The following ENAH variants were observed in gnomAD, a reference collection of about 807,000 sequenced individuals.
ENAH encodes the protein ENAH actin regulator.
ENAH carries 23 observed loss-of-function variants against 78.7 expected under a neutral mutation model. The observed-to-expected ratio is 0.29, with a 90% CI of 0.21 to 0.41. The LOEUF (loss-of-function observed/expected upper bound fraction) is 0.41. Among genes scored for constraint, ENAH ranks in the 10% least tolerant of loss-of-function variants. The probability of loss-of-function intolerance (pLI) is 1.00; values close to 1 mark genes in which losing one functional copy is unlikely to be tolerated. For missense variants in ENAH, 544 were observed against 691.0 expected (o/e 0.79, Z 2.39); for synonymous variants, 226 against 241.0 (o/e 0.94, Z 0.58).
chr1:225,554,819 C>T (rs2096658668), intron 3 of ENAH, 87 bp downstream of exon 3: 2 of 1,169,556 alleles, frequency 1.7e-6, no homozygotes, highest in African/African-American at 1.5e-5. Flanking sequence ...ACACATGGCA[C>T]TTCAGTTCAA....
intron 3 of ENAH, among the ~76,000 whole-genome samples, chr1:225,539,490 AATTAC>A (rs1160689906): frequency 3.9e-5 from 6 of 152,220 alleles, no homozygotes; most frequent in Non-Finnish European, 8.8e-5. Flanking sequence ...CAACCTAGAC[AATTAC>A]ATTAGCATCA....
At chr1:225,615,642 C>T (rs1057489534) in intron 1 of ENAH, among the ~76,000 whole-genome samples, 68 of 149,852 alleles carry the variant, frequency 4.5e-4, no homozygotes, top group African/African-American at 1.6e-3. Flanking sequence ...GTGGGGAGCG[C>T]CTCTGCCCCG....
At chr1:225,533,108 T>C (rs568071172) in intron 3 of ENAH, among the ~76,000 whole-genome samples, 14 of 152,302 alleles carry the variant, frequency 9.2e-5, no homozygotes, top group Middle Eastern at 3.4e-3. Flanking sequence ...TTGCAGTAAC[T>C]AGCACATTGA....
chr1:225,526,338 CTT>C (rs34197889), intron 4 of ENAH, among the ~76,000 whole-genome samples: 7 of 143,796 alleles, frequency 4.9e-5, no homozygotes, highest in African/African-American at 1.3e-4. Context: ...CTCTCTCTCT[CTT>C]TTTTTTTTTT....
rs1257196724 is a variant in ENAH at position 225,513,125 on chromosome 1, C to T, written c.1219-109G>A. 8.1e-6 allele frequency: 8 copies of T among 988,880 alleles called. No individual in the cohort carries two copies. The East Asian group carries it at 2.3e-4, about 29-fold the overall frequency. The allele number at this position is 988,880 out of a possible 1,614,324, so 61.3% of individuals were successfully genotyped here. A position where few individuals can be genotyped will look rare whatever the true frequency, so the allele number is the denominator to read the frequency against. ...AACATCAGCATTAATTTTAAAAAACCTAAATATTATTTTTTAAGCTTTAAG... is the reference window on the plus strand; with the variant it reads ...AACATCAGCATTAATTTTAAAAAACTTAAATATTATTTTTTAAGCTTTAAG... On this transcript the variant is annotated intron_variant, in intron 7 of 13. Transcript: ENST00000366843.
chr1:225,501,615 T>C (rs2096282787), intron 11 of ENAH, among the ~76,000 whole-genome samples: 1 of 152,348 alleles, frequency 6.6e-6, no homozygotes, highest in South Asian at 2.1e-4. Context: ...TATTATTCCA[T>C]TTCAAGCATC....
intron 1 of ENAH, among the ~76,000 whole-genome samples, chr1:225,615,863 C>T (rs1445670194): frequency 2.7e-5 from 4 of 148,778 alleles, no homozygotes; most frequent in African/African-American, 5.2e-5. Flanking sequence ...GCCATGATGA[C>T]GATGGCGGTT....
rs2096231333 is a variant in ENAH at position 225,493,177 on chromosome 1, T to G, written c.*4598A>C. ...TGATGTCTCAAAAATTATCGAGAGA[T>G]AACATAAAGGGGAACACACCAAATA... On this transcript the variant is annotated 3_prime_UTR_variant, in exon 14 of 14. Coordinates refer to ENST00000366843, the MANE Select transcript of ENAH (RefSeq NM_018212.6). 1 of 152,172 alleles carries G rather than the reference T, an allele frequency of 6.6e-6. No individual in the cohort carries two copies. The highest frequency in any genetic ancestry group is 2.1e-4 in the South Asian group (1 of 4,836). The allele number at this position is 152,172 out of a possible 1,614,324, so 9.4% of individuals were successfully genotyped here.
At chr1:225,631,411 A>T (rs1354990773) in intron 1 of ENAH, among the ~76,000 whole-genome samples, 5 of 145,910 alleles carry the variant, frequency 3.4e-5, no homozygotes, top group Non-Finnish European at 3.0e-5. Flanking sequence ...CTCTACTATA[A>T]AAAAAAAAAA....
At chr1:225,535,486 T>C (rs2096557398) in intron 3 of ENAH, 2 of 1,296,806 alleles carry the variant, frequency 1.5e-6, no homozygotes, top group Middle Eastern at 2.1e-4. Context: ...GAAAAAGTAA[T>C]GTAAACATAA....
intron 4 of ENAH, among the ~76,000 whole-genome samples, chr1:225,527,659 G>A (rs2096515761): frequency 1.3e-5 from 2 of 152,158 alleles, no homozygotes; most frequent in African/African-American, 2.4e-5. Flanking sequence ...CTTACAAGGT[G>A]GACACAACCT....
intron 2 of ENAH, among the ~76,000 whole-genome samples, chr1:225,556,847 T>C (rs2096669488): frequency 6.6e-6 from 1 of 152,212 alleles, no homozygotes; most frequent in Non-Finnish European, 1.5e-5. Context: ...CAACTGGAAT[T>C]GATCTGTGCC....
At chr1:225,591,551 G>A (rs2096876121) in intron 1 of ENAH, among the ~76,000 whole-genome samples, 1 of 150,918 alleles carries the variant, frequency 6.6e-6, no homozygotes, top group Non-Finnish European at 1.5e-5. Context: ...CGGATCACGA[G>A]GTCAGGAGAT....
chr1:225,586,308 GAAGGAA>G (rs1483620537), intron 1 of ENAH, among the ~76,000 whole-genome samples: 1 of 148,936 alleles, frequency 6.7e-6, no homozygotes, highest in East Asian at 2.0e-4. Context: ...AGAGGAGGGG[GAAGGAA>G]AAGGGAAAAG....
chr1:225,596,244 G>C (rs186756812), intron 1 of ENAH, among the ~76,000 whole-genome samples: 1 of 152,084 alleles, frequency 6.6e-6, no homozygotes, highest in Non-Finnish European at 1.5e-5. Context: ...TTGAAAAACC[G>C]AATTTTCAGA....
intron 3 of ENAH, among the ~76,000 whole-genome samples, chr1:225,548,747 G>A (rs1377239012): frequency 6.6e-6 from 1 of 152,122 alleles, no homozygotes; most frequent in Non-Finnish European, 1.5e-5. Flanking sequence ...GACTGTGAGA[G>A]GTAAGTATGA....
intron 11 of ENAH, among the ~76,000 whole-genome samples, chr1:225,502,660 T>C (rs2096290082): frequency 6.6e-6 from 1 of 152,240 alleles, no homozygotes; most frequent in African/African-American, 2.4e-5. Flanking sequence ...AGCTAGGCAC[T>C]GTAGGGAATA....
At chr1:225,558,290 C>G (rs1489005248) in intron 2 of ENAH, among the ~76,000 whole-genome samples, 1 of 152,074 alleles carries the variant, frequency 6.6e-6, no homozygotes, top group Middle Eastern at 3.2e-3. Flanking sequence ...GAAAAAAGTA[C>G]GTAATACTGG....
chr1:225,557,046 C>T (rs78087354), intron 2 of ENAH, among the ~76,000 whole-genome samples: 362 of 152,274 alleles, frequency 2.4e-3, no homozygotes, highest in Non-Finnish European at 4.3e-3. Context: ...TAGCTTTATA[C>T]GAAATCTAGA....
Sources: allele counts gnomAD v4.1 joint callset (sites outside exome capture counted in the v4.1 genomes callset), GRCh38; gene constraint gnomAD v4.1.1; transcripts MANE v1.5; gene names NCBI Gene and HGNC (gene_info 2026-07-23, HGNC 2026-07-21).